Variants in ENPP3 observed in about 807,000 individuals in gnomAD.
The protein encoded by ENPP3 is ectonucleotide pyrophosphatase/phosphodiesterase 3.
ENPP3 carries 104 observed loss-of-function variants against 117.8 expected under a neutral mutation model. The ratio of observed to expected loss-of-function variants is 0.88; its 90% confidence interval spans 0.75 to 1.04. The LOEUF (loss-of-function observed/expected upper bound fraction) is 1.04, where lower values mean the gene tolerates loss of function less well. Among genes scored for constraint, ENPP3 ranks in the 50% least tolerant of loss-of-function variants. The pLI is 0.00. For synonymous variants in ENPP3, 380 were observed against 349.9 expected, an observed-to-expected ratio of 1.09 and a Z score of -0.96; for missense variants, 1,026 against 1,051.9, an observed-to-expected ratio of 0.98 and a Z score of 0.34.
chr6:131,688,950 C>T (rs1249291880), intron 14 of ENPP3, among the ~76,000 whole-genome samples: 2 of 150,694 alleles, frequency 1.3e-5, no homozygotes, highest in East Asian at 1.9e-4. Context: ...CCTGTTATTC[C>T]AGCTACTTGG....
At chr6:131,647,668 G>A (rs1055772428) in intron 2 of ENPP3, among the ~76,000 whole-genome samples, 2 of 151,800 alleles carry the variant, frequency 1.3e-5, no homozygotes, top group Non-Finnish European at 2.9e-5. Context: ...GCAAATACTT[G>A]ACATTATTTC....
intron 9 of ENPP3, among the ~76,000 whole-genome samples, chr6:131,676,481 CTT>C (rs530314247): frequency 2.4e-4 from 36 of 152,170 alleles, no homozygotes; most frequent in African/African-American, 7.2e-4. Flanking sequence ...AATCAATTGT[CTT>C]TTATTTTAGT....
rs1778433772 is a variant in ENPP3 at position 131,658,537 on chromosome 6, C to T, written c.562+117C>T. On this transcript the variant is annotated intron_variant, in intron 6 of 24. Coordinates refer to ENST00000357639, the MANE Select transcript of ENPP3 (RefSeq NM_005021.5). ...CTGGTGGTTTGTCTTAGCCTAGATC[C>T]TCTCTGACTTTACCACATGGTTTCT... is the stretch of plus-strand genomic sequence containing the variant. 6 of 602,698 alleles carry T rather than the reference C, an allele frequency of 1.0e-5. No homozygotes were observed. In the South Asian group the frequency reaches 1.3e-4, roughly 13 times the overall value. The allele number at this position is 602,698 out of a possible 1,614,324, so 37.3% of individuals were successfully genotyped here.
At chr6:131,712,287 G>A (rs1297559933) in intron 15 of ENPP3, among the ~76,000 whole-genome samples, 1 of 147,018 alleles carries the variant, frequency 6.8e-6, no homozygotes, top group Non-Finnish European at 1.5e-5. Flanking sequence ...TGGATAATAT[G>A]ATATAGAACT....
chr6:131,674,089 G>A lies in ENPP3; in HGVS notation c.643-73G>A, dbSNP rs913810639. ...CTTTCTTAGGTATGAGTAATAGATC[G>A]TGTGCTATTTTAATTTAAATTTCTA... On this transcript the variant is annotated intron_variant, in intron 7 of 24. Coordinates refer to ENST00000357639, the MANE Select transcript of ENPP3 (RefSeq NM_005021.5). 97 of 894,822 alleles carry A rather than the reference G, an allele frequency of 1.1e-4. 1 individual carries two copies. Among genetic ancestry groups the A allele is most frequent in the African/African-American group, 5.7e-4 (33 of 58,270 alleles). The allele number at this position is 894,822 out of a possible 1,614,324, so 55.4% of individuals were successfully genotyped here.
At chr6:131,731,086 AG>A (rs1780270347) in intron 20 of ENPP3, among the ~76,000 whole-genome samples, 1 of 152,128 alleles carries the variant, frequency 6.6e-6, no homozygotes, top group Non-Finnish European at 1.5e-5. Context: ...TGAAATCCCA[AG>A]AGCTCTTTCT....
At position 131,715,752 on chromosome 6, in the gene ENPP3, C is replaced by T. The variant is rs536733473; in HGVS notation, c.1413-2920C>T. Among the ~76,000 whole-genome samples, 17 of 152,342 alleles carry T rather than the reference C, an allele frequency of 1.1e-4. No individual in the cohort carries two copies. In the East Asian group the frequency reaches 3.3e-3, roughly 29 times the overall value. On this transcript the variant is annotated intron_variant, in intron 15 of 24. Transcript: ENST00000357639. The stretch of plus-strand genomic sequence containing the variant: ...GGGCCAACTTCCACGCCGAGGCACG[C>T]CGCTGGACACTTGGTGGCTGCCCAC...
chr6:131,730,907 T>C (rs1780266074), intron 20 of ENPP3, among the ~76,000 whole-genome samples: 1 of 135,632 alleles, frequency 7.4e-6, no homozygotes, highest in South Asian at 2.4e-4. Context: ...ATAGTGAGAC[T>C]CCATCTCAAA....
At chr6:131,690,213 AC>A (rs1488808169) in intron 14 of ENPP3, among the ~76,000 whole-genome samples, 2 of 152,234 alleles carry the variant, frequency 1.3e-5, no homozygotes, top group African/African-American at 2.4e-5. Context: ...AAGAAGTTCT[AC>A]TGTGGGTAAA....
At chr6:131,705,102 GAAGA>G (rs1779611217) in intron 15 of ENPP3, among the ~76,000 whole-genome samples, 1 of 44,402 alleles carries the variant, frequency 2.3e-5, no homozygotes, top group Non-Finnish European at 4.4e-5. Context: ...GCCAGAAGAG[GAAGA>G]GAGAGAGGGA....
At chr6:131,690,400 G>A (rs1046440840) in intron 14 of ENPP3, among the ~76,000 whole-genome samples, 14 of 152,076 alleles carry the variant, frequency 9.2e-5, no homozygotes, top group African/African-American at 3.4e-4. Flanking sequence ...GGCCCTCTAC[G>A]ATCAAAAAAG....
At chr6:131,744,765 G>A (rs373981984) in intron 24 of ENPP3, among the ~76,000 whole-genome samples, 1 of 151,602 alleles carries the variant, frequency 6.6e-6, no homozygotes, top group East Asian at 1.9e-4. Context: ...GTATTTTGGG[G>A]ATATACAATA....
Position 131,726,072 on chromosome 6 carries a change from C to A in ENPP3, c.1825C>A (p.Pro609Thr), listed in dbSNP as rs1406972249. The A allele has an allele frequency of 6.2e-7, 1 of 1,610,412 alleles. No homozygotes were observed. Among genetic ancestry groups the A allele is most frequent in the Admixed American group, 1.7e-5 (1 of 59,756 alleles). The change falls in exon 20 of 25, where the codon CCA becomes ACA. Residue 609 changes from proline (P) to threonine (T), a missense_variant. Pro to Thr is a conservative substitution (Grantham distance 38, BLOSUM62 -1). Transcript: ENST00000357639. ...AACAGCAACAGTGAAAGTAAATTTG[C>A]CATTTGGGAGGCCTAGGGTACTGCA... is the stretch of plus-strand genomic sequence containing the variant. ...EITATVKVNL[P>T]FGRPRVLQKN...
chr6:131,735,026 A>G (rs1376636362), intron 21 of ENPP3, among the ~76,000 whole-genome samples: 1 of 152,134 alleles, frequency 6.6e-6, no homozygotes, highest in Non-Finnish European at 1.5e-5. Context: ...GAATAAAATT[A>G]ATAATTAAAC....
chr6:131,676,130 GC>G (rs573162612), intron 9 of ENPP3, among the ~76,000 whole-genome samples: 83 of 152,142 alleles, frequency 5.5e-4, no homozygotes, highest in African/African-American at 2.0e-3. Flanking sequence ...GGATCCGAAT[GC>G]CTACTCTTTC....
intron 21 of ENPP3, among the ~76,000 whole-genome samples, chr6:131,734,247 G>A (rs1189357146): frequency 6.6e-6 from 1 of 152,194 alleles, no homozygotes; most frequent in African/African-American, 2.4e-5. Context: ...AACTGCAGGT[G>A]AAGTAGCCAA....
chr6:131,718,259 A>G (rs768340919), intron 15 of ENPP3, among the ~76,000 whole-genome samples: 4 of 152,230 alleles, frequency 2.6e-5, no homozygotes, highest in Non-Finnish European at 5.9e-5. Context: ...CTAAAATAAC[A>G]TATTAACCAA....
chr6:131,682,718 G>T (rs1189003765), intron 11 of ENPP3, among the ~76,000 whole-genome samples: 1 of 152,120 alleles, frequency 6.6e-6, no homozygotes, highest in Non-Finnish European at 1.5e-5. Flanking sequence ...TGTCTTAGAA[G>T]TATCTGTCCA....
At chr6:131,733,961 G>A (rs1464631641) in intron 21 of ENPP3, among the ~76,000 whole-genome samples, 2 of 152,098 alleles carry the variant, frequency 1.3e-5, no homozygotes. Context: ...TAGAGAGTTC[G>A]GCAGGTTTAA....
Sources: allele counts gnomAD v4.1 joint callset (sites outside exome capture counted in the v4.1 genomes callset), GRCh38; gene constraint gnomAD v4.1.1; transcripts MANE v1.5; gene names NCBI Gene and HGNC (gene_info 2026-07-23, HGNC 2026-07-21).